RNF207: variants seen among roughly 807,000 people sequenced by gnomAD.
The protein encoded by RNF207 is OTTHUMG00000001089.
Under a neutral mutation model 79.0 loss-of-function variants are expected in RNF207, and 72 were observed. The ratio of observed to expected loss-of-function variants is 0.91; its 90% CI spans 0.75 to 1.11. The LOEUF (loss-of-function observed/expected upper bound fraction) is 1.11, where lower values mean the gene tolerates loss of function less well. RNF207 is among the 50% of genes least tolerant of loss of function. RNF207 has a pLI of 0.00. For synonymous variants in RNF207, 348 were observed against 366.2 expected (o/e 0.95, Z 0.57); for missense variants, 936 against 855.8 (o/e 1.09, Z -1.17).
chr1:6,212,845 C>T, intron 15 of RNF207, 112 bp downstream of exon 15: 1 of 950,476 alleles, frequency 1.1e-6, no homozygotes. Flanking sequence ...CCACACTCTT[C>T]CCCTTAGCGC....
chr1:6,218,070 C>T (rs1489404495), intron 16 of RNF207, among the ~76,000 whole-genome samples: 2 of 152,282 alleles, frequency 1.3e-5, no homozygotes, highest in Non-Finnish European at 2.9e-5. Context: ...CCGACCAGCA[C>T]GCAGCTTCCA....
rs148311740 is a variant in RNF207, at chr1:6,213,331, G to A, written c.1652+148G>A. On this transcript the variant is annotated intron_variant, in intron 16 of 17. Coordinates refer to ENST00000377939, the MANE Select transcript of RNF207 (RefSeq NM_207396.3). ...AGGTCAGCAGTTCGAGACCAGCCTG[G>A]CCAACATGGTGGAACCCCATCTCTA... is the stretch of plus-strand genomic sequence containing the variant. 3.5e-3 allele frequency: 1,935 copies of A among 545,082 alleles called. 6 individuals carry two copies. Among genetic ancestry groups the A allele is most frequent in the Middle Eastern group, 9.6e-3 (21 of 2,186 alleles). 33.8% of individuals were successfully genotyped at this position (545,082 alleles called of 1,614,324 possible). A position where few individuals can be genotyped will look rare whatever the true frequency, so the allele number is the denominator to read the frequency against.
chr1:6,214,751 C>G (rs566820526), intron 16 of RNF207, among the ~76,000 whole-genome samples: 1 of 150,272 alleles, frequency 6.7e-6, no homozygotes, highest in Non-Finnish European at 1.5e-5. Context: ...TCTCCTGCCT[C>G]AGCCTCCCAA....
intron 16 of RNF207, among the ~76,000 whole-genome samples, chr1:6,213,458 G>T (rs77579416): frequency 0.045 from 6,446 of 142,594 alleles, 451 homozygotes; most frequent in African/African-American, 0.16. Flanking sequence ...GACACAGTGA[G>T]ACCTTGTCTT....
In RNF207 at chr1:6,218,911, G is replaced by A. The variant is rs540838569; in HGVS notation, c.1734-325G>A. On this transcript the variant is annotated intron_variant, in intron 17 of 17. Coordinates refer to ENST00000377939, the MANE Select transcript of RNF207 (RefSeq NM_207396.3). ...GCTGAAGTGGCCAGAGTCACAGCGC[G>A]GCTGGTGACAGAGCAGAGTCTGGCC... 4.3e-4 allele frequency among the ~76,000 whole-genome samples: 65 copies of A among 152,274 alleles called. 1 individual carries two copies. Among genetic ancestry groups the A allele is most frequent in the African/African-American group, 1.5e-3 (64 of 41,546 alleles).
chr1:6,219,180 C>T lies in RNF207; in HGVS notation c.1734-56C>T, dbSNP rs1668462607. 12 of 1,491,986 alleles carry T rather than the reference C, an allele frequency of 8.0e-6. No homozygotes were observed. In the Admixed American group the frequency reaches 1.0e-4, roughly 13 times the overall value. The allele number at this position is 1,491,986 out of a possible 1,614,324, so 92.4% of individuals were successfully genotyped here. ...GCTTTGGCCCAAGTGGATTTTAGTG[C>T]AGGGATATGGTGAAATGGGGGAGCG... On this transcript the variant is annotated intron_variant, in intron 17 of 17. Transcript: ENST00000377939.
Position 6,207,427 on chromosome 1 carries a change from G to C in RNF207, c.240G>C (p.Arg80=), listed in dbSNP as rs774301988. ...CCAGCGGGCTCCCGCCGGTGGACCG[G>C]CTGCTGCAGTTCCTGGTGGACAGCT... is the stretch of plus-strand genomic sequence containing the variant. ...KGPSGLPPVD[R]LLQFLVDSSG... is the part of the protein sequence containing the mutation. Residue 80 remains arginine (R), a synonymous_variant, in exon 3 of 18, where the codon CGG becomes CGC. Transcript: ENST00000377939. The surrounding 1 kb of genome is among the most constrained non-coding windows in gnomAD (Gnocchi z 4.5). 2.5e-5 allele frequency: 39 copies of C among 1,556,130 alleles called. No homozygotes were observed. The highest frequency in any genetic ancestry group is 9.6e-6 in the Non-Finnish European group (11 of 1,148,728).
intron 16 of RNF207, among the ~76,000 whole-genome samples, chr1:6,215,613 T>A (rs542825027): frequency 3.2e-4 from 49 of 152,350 alleles, no homozygotes; most frequent in African/African-American, 1.2e-3. Context: ...TATTTTTTCC[T>A]TTTGGAATTT....
At chr1:6,213,235 T>C in intron 16 of RNF207, 52 bp downstream of exon 16, 1 of 1,223,920 alleles carries the variant, frequency 8.2e-7, no homozygotes, top group Non-Finnish European at 1.2e-6. Flanking sequence ...AGAATGTGCA[T>C]GGGGGCTGGG....
At chr1:6,219,062 C>G (rs1190473406) in intron 17 of RNF207, among the ~76,000 whole-genome samples, 174 bp from the exon 18 acceptor site, 1 of 152,124 alleles carries the variant, frequency 6.6e-6, no homozygotes, top group Non-Finnish European at 1.5e-5. Context: ...TGGGGATGGG[C>G]TCCTACTCAG....
intron 17 of RNF207, among the ~76,000 whole-genome samples, chr1:6,218,985 T>C (rs1282829651): frequency 6.6e-6 from 1 of 152,032 alleles, no homozygotes; most frequent in Non-Finnish European, 1.5e-5. Context: ...TGCTTCCAAA[T>C]TCAAAATGCA....
chr1:6,212,142 G>A (rs1023369212), intron 13 of RNF207, 89 bp downstream of exon 13: 1 of 1,530,724 alleles, frequency 6.5e-7, no homozygotes, highest in South Asian at 1.2e-5. Context: ...TCTCCCAGCT[G>A]CTGAAGCTGG....
At position 6,207,368 on chromosome 1, in the gene RNF207, C is replaced by A; in HGVS notation, c.192-11C>A. 6.7e-7 allele frequency: 1 copy of A among 1,501,512 alleles called. No homozygotes were observed. 93.0% of individuals were successfully genotyped at this position (1,501,512 alleles called of 1,614,324 possible). On this transcript the variant is annotated splice_polypyrimidine_tract_variant and intron_variant, in intron 2 of 17. Coordinates refer to ENST00000377939, the MANE Select transcript of RNF207 (RefSeq NM_207396.3). This position sits in a 1 kb window ranked among gnomAD's most constrained non-coding sequence, Gnocchi z 4.5. Reference sequence around the variant, plus strand: ...GGGTATCAGAATCTCGGGGCCTGGGCTTCTCTGCAGACACCAGACGGTGCT... The same window carrying A: ...GGGTATCAGAATCTCGGGGCCTGGGATTCTCTGCAGACACCAGACGGTGCT...
At position 6,213,108 on chromosome 1, in the gene RNF207, A is replaced by G; in HGVS notation, c.1577A>G (p.Tyr526Cys). Residue 526 changes from tyrosine to cysteine, a missense_variant, in exon 16 of 18, where the codon TAC becomes TGC. By Grantham distance (194) the Tyr-to-Cys change is radical (BLOSUM62 -2). Transcript: ENST00000377939. ...DLLQLRQENA[Y>C]LTTITKQITP... Reference sequence around the variant, plus strand: ...CTCCAGCTGAGGCAGGAGAATGCCTACCTGACCACCATCACCAAGCAGATC... The same window carrying G: ...CTCCAGCTGAGGCAGGAGAATGCCTGCCTGACCACCATCACCAAGCAGATC... The G allele has an allele frequency of 2.5e-6, 4 of 1,613,452 alleles. No individual in the cohort carries two copies. The highest frequency in any genetic ancestry group is 2.5e-6 in the Non-Finnish European group (3 of 1,179,802).
In RNF207 at chr1:6,220,110, A is replaced by G. The variant is rs1268021847; in HGVS notation, c.*703A>G. On this transcript the variant is annotated 3_prime_UTR_variant, in exon 18 of 18. Coordinates refer to ENST00000377939, the MANE Select transcript of RNF207 (RefSeq NM_207396.3). Reference sequence around the variant, plus strand: ...ACTGTGCCCGGCCGGTTATTTCTTTAAAAGGTAATCATTTGTCAAGAGTAA... The same window carrying G: ...ACTGTGCCCGGCCGGTTATTTCTTTGAAAGGTAATCATTTGTCAAGAGTAA... 3.9e-5 allele frequency: 6 copies of G among 152,140 alleles called. No individual in the cohort carries two copies. Among genetic ancestry groups the G allele is most frequent in the Non-Finnish European group, 8.8e-5 (6 of 68,038 alleles). 9.4% of individuals were successfully genotyped at this position (152,140 alleles called of 1,614,324 possible).
In RNF207 at chr1:6,217,640, C is replaced by T. The variant is rs138709862; in HGVS notation, c.1653-649C>T. On this transcript the variant is annotated intron_variant, in intron 16 of 17. Coordinates refer to ENST00000377939, the MANE Select transcript of RNF207 (RefSeq NM_207396.3). The surrounding 1 kb of genome is among the most constrained non-coding windows in gnomAD (Gnocchi z 4.2). The stretch of plus-strand genomic sequence containing the variant: ...TCACCCACTTCATTTCCAACCCACC[C>T]CCAAGTCCTGCTGGCTCTACTGTTC... Among the ~76,000 whole-genome samples, 179 of 152,304 alleles carry T rather than the reference C, an allele frequency of 1.2e-3. 2 individuals carry two copies. Among genetic ancestry groups the T allele is most frequent in the African/African-American group, 4.1e-3 (171 of 41,556 alleles).
Position 6,207,673 on chromosome 1 carries a change from C to T in RNF207, c.324+162C>T. 3.7e-6 allele frequency: 3 copies of T among 811,554 alleles called. No homozygotes were observed. The highest frequency in any genetic ancestry group is 2.0e-5 in the Admixed American group (1 of 50,092). The allele number at this position is 811,554 out of a possible 1,614,324, so 50.3% of individuals were successfully genotyped here. Reference sequence around the variant, plus strand: ...GCCCCAAATGTGAACCCCATTATACCGGTGGGGAGACTGAGGTCCAGAACA... The same window carrying T: ...GCCCCAAATGTGAACCCCATTATACTGGTGGGGAGACTGAGGTCCAGAACA... On this transcript the variant is annotated intron_variant, in intron 3 of 17. Transcript: ENST00000377939. This position sits in a 1 kb window ranked among gnomAD's most constrained non-coding sequence, Gnocchi z 4.5.
chr1:6,216,148 T>G (rs1022766054), intron 16 of RNF207, among the ~76,000 whole-genome samples: 3 of 152,154 alleles, frequency 2.0e-5, no homozygotes, highest in Non-Finnish European at 4.4e-5. Flanking sequence ...CCCCTCAGAC[T>G]TCGGCTGCAG....
intron 1 of RNF207, 115 bp from the exon 2 acceptor site, chr1:6,206,421 G>T (rs575183123): frequency 1.7e-5 from 12 of 705,396 alleles, no homozygotes; most frequent in East Asian, 2.7e-5. Flanking sequence ...ACCTCTGGAC[G>T]CCCAGTCGGG....
Sources: gnomAD v4.1 joint callset for allele counts (sites outside exome capture counted in the v4.1 genomes callset) on GRCh38, gnomAD v4.1.1 for gene constraint, Gnocchi (gnomAD v3.1) non-coding constraint, MANE v1.5 for transcripts, NCBI Gene and HGNC (gene_info 2026-07-23, HGNC 2026-07-21) for gene names.